COMMD10: variants seen among roughly 807,000 people sequenced by gnomAD.
The protein encoded by COMMD10 is COMM domain-containing protein 10.
COMMD10 carries 33 observed loss-of-function variants against 28.9 expected under a neutral mutation model. The observed-to-expected ratio is 1.14, with a 90% CI of 0.87 to 1.53. The LOEUF (loss-of-function observed/expected upper bound fraction) is 1.53. Among genes scored for constraint, COMMD10 ranks in the 40% most tolerant of loss-of-function variants. COMMD10 has a pLI of 0.00. For synonymous variants in COMMD10, 110 were observed against 81.7 expected (o/e 1.35, Z -1.87); for missense variants, 310 against 233.4 (o/e 1.33, Z -2.14).
chr5:116,253,891 C>A (rs958878878), intron 5 of COMMD10, among the ~76,000 whole-genome samples: 5 of 150,930 alleles, frequency 3.3e-5, no homozygotes, highest in African/African-American at 1.2e-4. Flanking sequence ...CCTCCTTGTA[C>A]CTCTGGTAGA....
At chr5:116,185,714 A>G (rs1373805369) in intron 5 of COMMD10, among the ~76,000 whole-genome samples, 1 of 152,166 alleles carries the variant, frequency 6.6e-6, no homozygotes, top group Non-Finnish European at 1.5e-5. Context: ...ATCAACAAAG[A>G]GCTATGTTTT....
At chr5:116,223,213 A>G (rs1471221860) in intron 5 of COMMD10, among the ~76,000 whole-genome samples, 2 of 152,088 alleles carry the variant, frequency 1.3e-5, no homozygotes, top group East Asian at 1.9e-4. Context: ...TTTGAAAAAA[A>G]GGAGATAGGA....
intron 4 of COMMD10, among the ~76,000 whole-genome samples, chr5:116,116,628 C>T (rs770066998): frequency 3.3e-5 from 5 of 151,696 alleles, no homozygotes; most frequent in Non-Finnish European, 7.4e-5. Flanking sequence ...ACTGACTATA[C>T]GTGGTTGTGA....
At chr5:116,097,400 A>G (rs948950981) in intron 4 of COMMD10, among the ~76,000 whole-genome samples, 2 of 152,186 alleles carry the variant, frequency 1.3e-5, no homozygotes, top group African/African-American at 4.8e-5. Flanking sequence ...TTATACATGT[A>G]CTTATAAAAT....
chr5:116,171,418 G>T (rs899694387), intron 5 of COMMD10, among the ~76,000 whole-genome samples: 2 of 152,140 alleles, frequency 1.3e-5, no homozygotes, highest in Admixed American at 6.5e-5. Context: ...AAGACAGTGT[G>T]GCGATTCCTC....
intron 5 of COMMD10, among the ~76,000 whole-genome samples, chr5:116,289,698 C>T (rs1377509090): frequency 1.3e-5 from 2 of 151,824 alleles, no homozygotes; most frequent in Non-Finnish European, 2.9e-5. Flanking sequence ...TTGGTTGCTC[C>T]GCTATTCCAC....
At chr5:116,200,922 T>C (rs1018148860) in intron 5 of COMMD10, among the ~76,000 whole-genome samples, 1 of 152,180 alleles carries the variant, frequency 6.6e-6, no homozygotes, top group Non-Finnish European at 1.5e-5. Flanking sequence ...TTCTGTCCTC[T>C]TCAAACTCTG....
intron 5 of COMMD10, among the ~76,000 whole-genome samples, chr5:116,190,243 ATAT>A (rs1195024275): frequency 6.6e-6 from 1 of 152,176 alleles, no homozygotes; most frequent in African/African-American, 2.4e-5. Flanking sequence ...TGAGGCCTAT[ATAT>A]ATATATCTAG....
intron 5 of COMMD10, among the ~76,000 whole-genome samples, chr5:116,246,379 CA>C (rs547867220): frequency 2.4e-4 from 37 of 151,874 alleles, no homozygotes; most frequent in Non-Finnish European, 4.4e-4. Context: ...CAAGAAGAAT[CA>C]ATGTCATTAA....
chr5:116,217,893 C>G (rs1302378273), intron 5 of COMMD10: 2 of 615,656 alleles, frequency 3.2e-6, no homozygotes, highest in Non-Finnish European at 2.9e-6. Context: ...ATGAAGTGTT[C>G]TGTGTGCTAA....
chr5:116,124,459 T>C (rs1751547594), intron 4 of COMMD10, among the ~76,000 whole-genome samples: 1 of 152,222 alleles, frequency 6.6e-6, no homozygotes, highest in Non-Finnish European at 1.5e-5. Context: ...TCTGTTCTTT[T>C]ACATTGGCTG....
At chr5:116,226,659 GA>G (rs60638341) in intron 5 of COMMD10, among the ~76,000 whole-genome samples, 57,982 of 149,420 alleles carry the variant, frequency 0.39, 14,190 homozygotes, top group African/African-American at 0.71. Context: ...TAACACAAGG[GA>G]AAAAAAAAAT....
chr5:116,254,681 G>T (rs1012776964), intron 5 of COMMD10, among the ~76,000 whole-genome samples: 1 of 151,786 alleles, frequency 6.6e-6, no homozygotes, highest in Non-Finnish European at 1.5e-5. Context: ...TATAATTTCT[G>T]ATCTTTTACA....
intron 5 of COMMD10, among the ~76,000 whole-genome samples, chr5:116,185,524 G>A (rs879559130): frequency 5.4e-5 from 8 of 147,250 alleles, no homozygotes; most frequent in South Asian, 4.7e-4. Context: ...TCTCCTTGGC[G>A]TTTTAAAGTT....
chr5:116,254,682 A>T (rs371955236), intron 5 of COMMD10, among the ~76,000 whole-genome samples: 6 of 151,552 alleles, frequency 4.0e-5, no homozygotes, highest in Non-Finnish European at 7.4e-5. Context: ...ATAATTTCTG[A>T]TCTTTTACAT....
chr5:116,165,421 TGCCAAAACAAAATATCACA>T (rs1753057749), intron 5 of COMMD10, among the ~76,000 whole-genome samples: 1 of 152,304 alleles, frequency 6.6e-6, no homozygotes, highest in East Asian at 1.9e-4. Flanking sequence ...CTGCTAGGGC[TGCCAAAACAAAATATCACA>T]GGGTGGGTAG....
At chr5:116,101,657 C>T (rs1226110154) in intron 4 of COMMD10, among the ~76,000 whole-genome samples, 1 of 152,114 alleles carries the variant, frequency 6.6e-6, no homozygotes, top group Non-Finnish European at 1.5e-5. Flanking sequence ...GAACTCCTGA[C>T]CTTGTGATCC....
chr5:116,253,447 T>C (rs996102758), intron 5 of COMMD10, among the ~76,000 whole-genome samples: 134 of 151,490 alleles, frequency 8.8e-4, no homozygotes, highest in Middle Eastern at 3.4e-3. Flanking sequence ...CATAGATAGC[T>C]CTTATTATTT....
At chr5:116,117,914 A>T (rs142576466) in intron 4 of COMMD10, among the ~76,000 whole-genome samples, 45 of 152,306 alleles carry the variant, frequency 3.0e-4, no homozygotes, top group Non-Finnish European at 4.6e-4. Context: ...GTGATTTTTT[A>T]AAAATGTGTC....
Sources: gnomAD v4.1 joint callset for allele counts (sites outside exome capture counted in the v4.1 genomes callset) on GRCh38, gnomAD v4.1.1 for gene constraint, MANE v1.5 for transcripts, NCBI Gene and HGNC (gene_info 2026-07-23, HGNC 2026-07-21) for gene names.